The following GRM8 variants were observed in gnomAD, a reference collection of about 807,000 sequenced individuals.
GRM8 encodes the protein metabotropic glutamate receptor 8.
In GRM8, 47 loss-of-function variants were observed where a neutral mutation model predicts 87.2. That is an observed-to-expected ratio of 0.54 (90% CI 0.43 to 0.69). GRM8 has a LOEUF of 0.69. Among genes scored for constraint, GRM8 ranks in the 30% least tolerant of loss-of-function variants. The pLI is 0.00. For synonymous variants in GRM8, 396 were observed against 404.5 expected, an observed-to-expected ratio of 0.98 and a Z score of 0.25; for missense variants, 1,019 against 1,139.2, an observed-to-expected ratio of 0.89 and a Z score of 1.52.
chr7:127,028,552 T>A (rs1207814023), intron 3 of GRM8, among the ~76,000 whole-genome samples: 3 of 152,202 alleles, frequency 2.0e-5, no homozygotes, highest in African/African-American at 7.2e-5. Flanking sequence ...TCTTCCTGGT[T>A]TAGTCTTGGG....
At chr7:127,202,445 T>A (rs533238343) in intron 2 of GRM8, among the ~76,000 whole-genome samples, 33 of 152,326 alleles carry the variant, frequency 2.2e-4, no homozygotes, top group Non-Finnish European at 3.8e-4. Flanking sequence ...CCCAAAATGC[T>A]GGGATTACAG....
At chr7:127,143,953 T>C (rs1828412862) in intron 2 of GRM8, among the ~76,000 whole-genome samples, 1 of 152,122 alleles carries the variant, frequency 6.6e-6, no homozygotes, top group South Asian at 2.1e-4. Context: ...CAAAACCTTT[T>C]CAATACCCAT....
At chr7:127,030,099 A>T (rs1817209746) in intron 3 of GRM8, among the ~76,000 whole-genome samples, 1 of 151,982 alleles carries the variant, frequency 6.6e-6, no homozygotes, top group South Asian at 2.1e-4. Flanking sequence ...CCTCTCTGCT[A>T]CCCTTCCAGG....
chr7:126,988,662 C>T (rs1411236233), intron 3 of GRM8, among the ~76,000 whole-genome samples: 2 of 152,148 alleles, frequency 1.3e-5, no homozygotes, highest in African/African-American at 2.4e-5. Flanking sequence ...CAGCATTATG[C>T]AATGAGTTCT....
intron 6 of GRM8, among the ~76,000 whole-genome samples, chr7:126,786,632 G>A (rs1355463062): frequency 6.6e-6 from 1 of 152,044 alleles, no homozygotes; most frequent in Non-Finnish European, 1.5e-5. Flanking sequence ...TGTCCTACCT[G>A]TACAGGCCAC....
chr7:126,505,302 T>A (rs1562893094), intron 9 of GRM8, among the ~76,000 whole-genome samples: 1 of 152,092 alleles, frequency 6.6e-6, no homozygotes, highest in Non-Finnish European at 1.5e-5. Context: ...TGGCCCCAAG[T>A]TAATACCTTA....
intron 2 of GRM8, among the ~76,000 whole-genome samples, chr7:127,148,786 T>C (rs866953047): frequency 7.2e-5 from 11 of 151,942 alleles, no homozygotes; most frequent in Middle Eastern, 3.2e-3. Context: ...CAAATGACAA[T>C]GCAAACACAG....
At chr7:127,069,117 A>G (rs928334459) in intron 3 of GRM8, among the ~76,000 whole-genome samples, 2 of 152,168 alleles carry the variant, frequency 1.3e-5, no homozygotes, top group African/African-American at 4.8e-5. Flanking sequence ...CCCTCTTTCC[A>G]CAGGCAGCCA....
intron 2 of GRM8, among the ~76,000 whole-genome samples, chr7:127,221,290 GTGGTTT>G (rs1796912966): frequency 6.6e-6 from 1 of 152,202 alleles, no homozygotes; most frequent in Admixed American, 6.5e-5. Context: ...ACCCAGGCCA[GTGGTTT>G]TCACATGGTA....
chr7:126,805,713 T>A (rs963089863), intron 6 of GRM8, among the ~76,000 whole-genome samples: 12 of 152,212 alleles, frequency 7.9e-5, no homozygotes, highest in Non-Finnish European at 1.5e-4. Flanking sequence ...GTTTTGTTAT[T>A]GTCTCCCATT....
intron 3 of GRM8, among the ~76,000 whole-genome samples, chr7:127,042,595 C>A (rs1818528390): frequency 6.6e-6 from 1 of 152,150 alleles, no homozygotes; most frequent in Non-Finnish European, 1.5e-5. Context: ...TTCCTTACAC[C>A]TTATACAAAA....
chr7:126,853,542 G>A (rs552228593), intron 6 of GRM8, among the ~76,000 whole-genome samples: 29 of 152,224 alleles, frequency 1.9e-4, no homozygotes, highest in African/African-American at 3.9e-4. Flanking sequence ...GAACCAAGTC[G>A]TTTTATGCAT....
At chr7:126,501,669 G>A (rs566803301) in intron 9 of GRM8, among the ~76,000 whole-genome samples, 1 of 152,088 alleles carries the variant, frequency 6.6e-6, no homozygotes, top group African/African-American at 2.4e-5. Context: ...AATCAGGCCG[G>A]ACAAGTTCTA....
At chr7:126,600,843 T>C (rs1797669534) in intron 8 of GRM8, among the ~76,000 whole-genome samples, 1 of 152,094 alleles carries the variant, frequency 6.6e-6, no homozygotes, top group Non-Finnish European at 1.5e-5. Flanking sequence ...AATAAACAAA[T>C]ACACAGCTTT....
chr7:126,692,606 A>G (rs1563096977), intron 7 of GRM8, among the ~76,000 whole-genome samples: 6 of 152,252 alleles, frequency 3.9e-5, no homozygotes, highest in Admixed American at 2.6e-4. Context: ...GAAAAATACT[A>G]CAGCACTAAG....
intron 7 of GRM8, among the ~76,000 whole-genome samples, chr7:126,690,941 T>C (rs1808738488): frequency 6.6e-6 from 1 of 152,130 alleles, no homozygotes; most frequent in African/African-American, 2.4e-5. Context: ...TAGTGAATGC[T>C]GATTGGTCCA....
At chr7:126,684,162 G>A (rs556424470) in intron 7 of GRM8, among the ~76,000 whole-genome samples, 3 of 152,258 alleles carry the variant, frequency 2.0e-5, no homozygotes, top group South Asian at 4.1e-4. Context: ...CTTAGGGCAC[G>A]ATCACTGTAT....
chr7:126,920,946 A>G (rs1337646370), intron 3 of GRM8, among the ~76,000 whole-genome samples: 2 of 151,738 alleles, frequency 1.3e-5, no homozygotes, highest in East Asian at 3.9e-4. Flanking sequence ...CTAAATGACC[A>G]ATTCCACCTG....
chr7:126,529,469 A>G (rs369894461), intron 9 of GRM8, among the ~76,000 whole-genome samples: 3 of 152,248 alleles, frequency 2.0e-5, no homozygotes, highest in East Asian at 1.9e-4. Context: ...GAGGAGTCTA[A>G]GGTGACAACC....
Sources: gnomAD v4.1 joint callset for allele counts (sites outside exome capture counted in the v4.1 genomes callset) on GRCh38, gnomAD v4.1.1 for gene constraint, MANE v1.5 for transcripts, NCBI Gene and HGNC (gene_info 2026-07-23, HGNC 2026-07-21) for gene names.